Variants in EVI5 observed in about 807,000 individuals in gnomAD.
The protein encoded by EVI5 is ecotropic viral integration site 5, also known as ecotropic viral integration site 5 protein homolog.
A neutral mutation model predicts 112.0 loss-of-function variants in EVI5; 73 were observed. The ratio of observed to expected loss-of-function variants is 0.65; its 90% CI spans 0.54 to 0.79. EVI5 has a LOEUF of 0.79. Among genes scored for constraint, EVI5 ranks in the 30% least tolerant of loss-of-function variants. The probability of loss-of-function intolerance (pLI) is 0.00; values close to 1 mark genes in which losing one functional copy is unlikely to be tolerated. For missense variants in EVI5, 900 were observed against 968.8 expected (o/e 0.93, Z 0.94); for synonymous variants, 305 against 319.9 (o/e 0.95, Z 0.50).
In EVI5 at chr1:92,738,003, C is replaced by T. The variant is rs115031193; in HGVS notation, c.-81-1376G>A. 4.7e-3 allele frequency among the ~76,000 whole-genome samples: 719 copies of T among 152,150 alleles called. 4 individuals are homozygous for T. The highest frequency in any genetic ancestry group is 0.017 in the African/African-American group (691 of 41,494). On this transcript the variant is annotated intron_variant, in intron 1 of 19. Transcript: ENST00000684568. ...TCAGTGGGCTGTTACCGTTGAGAGA[C>T]GAATCCCAAGAAAGAAAAGTTGAAT...
Position 92,510,440 on chromosome 1 carries a change from T to C in EVI5, c.*3216A>G, listed in dbSNP as rs1362364596. 6.6e-6 allele frequency: 1 copy of C among 152,244 alleles called. No homozygotes were observed. The highest frequency in any genetic ancestry group is 1.5e-5 in the Non-Finnish European group (1 of 68,048). The allele number at this position is 152,244 out of a possible 1,614,324, so 9.4% of individuals were successfully genotyped here. On this transcript the variant is annotated 3_prime_UTR_variant, in exon 20 of 20. Coordinates refer to ENST00000684568, the MANE Select transcript of EVI5 (RefSeq NM_001350197.2). ...ATCATATAAAATGGCTGGCATGTTT[T>C]CCCTTTTGAATAGTTCTGATTATAA... is the stretch of plus-strand genomic sequence containing the variant.
intron 18 of EVI5, among the ~76,000 whole-genome samples, chr1:92,604,981 TCCAGTTGCTGGTGGTTG>T (rs1488242437): frequency 1.3e-5 from 2 of 152,200 alleles, no homozygotes; most frequent in Non-Finnish European, 2.9e-5. Context: ...AATGGTGGTT[TCCAGTTGCTGGTGGTTG>T]CCAGTTGCTG....
At chr1:92,581,315 C>T (rs1671899365) in intron 18 of EVI5, among the ~76,000 whole-genome samples, 1 of 152,246 alleles carries the variant, frequency 6.6e-6, no homozygotes, top group Non-Finnish European at 1.5e-5. Flanking sequence ...GGGAATATAT[C>T]ACAAAACCTG....
At chr1:92,663,026 T>C (rs1285145846) in intron 12 of EVI5, among the ~76,000 whole-genome samples, 161 bp from the exon 13 acceptor site, 1 of 151,606 alleles carries the variant, frequency 6.6e-6, no homozygotes, top group African/African-American at 2.4e-5. Context: ...AGCTTGTTAT[T>C]GCTCCAGCAA....
intron 16 of EVI5, among the ~76,000 whole-genome samples, chr1:92,612,672 T>C (rs1457322091): frequency 7.8e-6 from 1 of 127,710 alleles, no homozygotes; most frequent in Middle Eastern, 5.5e-3. Flanking sequence ...ATCGCGCCAC[T>C]GCACTCCAGC....
chr1:92,574,885 C>T (rs1670813309), intron 18 of EVI5, among the ~76,000 whole-genome samples: 1 of 152,088 alleles, frequency 6.6e-6, no homozygotes, highest in African/African-American at 2.4e-5. Flanking sequence ...TGGAAACTTT[C>T]TTAGGTAGGA....
intron 9 of EVI5, among the ~76,000 whole-genome samples, chr1:92,689,396 T>A (rs544291862): frequency 1.7e-4 from 26 of 152,104 alleles, no homozygotes; most frequent in Non-Finnish European, 3.4e-4. Context: ...AGGGTCTCAC[T>A]CTGTCACTCA....
rs772970582 is a variant in EVI5, at chr1:92,792,362, TC to T, written c.32del (p.Arg11LysfsTer17). On this transcript the variant is annotated frameshift_variant, in exon 1 of 18. Transcript: ENST00000370331. LOFTEE classifies it high-confidence loss of function. ...CATTTACCTGTTTCCCACTAGGGTT[TC>T]TAAAGGCAGCAGTCATTTTGTTGGT... 1.2e-6 allele frequency: 2 copies of T among 1,609,846 alleles called. No homozygotes were observed. Among genetic ancestry groups the T allele is most frequent in the Non-Finnish European group, 1.7e-6 (2 of 1,176,096 alleles).
intron 19 of EVI5, among the ~76,000 whole-genome samples, chr1:92,551,059 T>TTTC (rs1491018200): frequency 7.8e-6 from 1 of 128,092 alleles, no homozygotes; most frequent in Non-Finnish European, 1.7e-5. Flanking sequence ...TTTTTTTTTT[T>TTTC]TGAGACTTAG....
intron 19 of EVI5, among the ~76,000 whole-genome samples, chr1:92,533,770 G>GA (rs1007331412): frequency 3.9e-5 from 6 of 152,126 alleles, no homozygotes; most frequent in African/African-American, 1.4e-4. Context: ...GGTATTGATG[G>GA]AACGTATCTC....
intron 18 of EVI5, among the ~76,000 whole-genome samples, chr1:92,578,148 T>C (rs1387644929): frequency 2.0e-5 from 3 of 152,192 alleles, no homozygotes; most frequent in Non-Finnish European, 4.4e-5. Context: ...TCTGGATCCA[T>C]GTGAACGCTA....
At chr1:92,711,802 C>T (rs926593569) in intron 2 of EVI5, among the ~76,000 whole-genome samples, 1 of 152,192 alleles carries the variant, frequency 6.6e-6, no homozygotes, top group African/African-American at 2.4e-5. Context: ...TAACAAAAAA[C>T]TTATTTTAGT....
intron 1 of EVI5, among the ~76,000 whole-genome samples, chr1:92,782,245 A>G (rs1267924305): frequency 6.6e-6 from 1 of 152,052 alleles, no homozygotes; most frequent in Non-Finnish European, 1.5e-5. Flanking sequence ...CAACAGAGTG[A>G]GACTCCATCT....
intron 18 of EVI5, among the ~76,000 whole-genome samples, chr1:92,585,343 T>C (rs1672610911): frequency 6.6e-6 from 1 of 152,000 alleles, no homozygotes; most frequent in Admixed American, 6.6e-5. Context: ...AATTTAAAAA[T>C]TAGCAGGGCA....
Position 92,743,289 on chromosome 1 carries a change from G to T in EVI5, c.-81-6662C>A, listed in dbSNP as rs375689713. ...AATCGCTTGAACCCAGGAGGCGGAG[G>T]TTGCAGTGCATCAAGATCGTGCCAC... On this transcript the variant is annotated intron_variant, in intron 1 of 19. Coordinates refer to ENST00000684568, the MANE Select transcript of EVI5 (RefSeq NM_001350197.2). Among the ~76,000 whole-genome samples, 15 of 152,196 alleles carry T rather than the reference G, an allele frequency of 9.9e-5. No homozygotes were observed. The South Asian group carries it at 1.5e-3, about 15-fold the overall frequency.
chr1:92,788,630 C>T (rs545337830), upstream of EVI5, among the ~76,000 whole-genome samples: 2 of 151,974 alleles, frequency 1.3e-5, no homozygotes, highest in South Asian at 4.2e-4. Flanking sequence ...CCCATCTCTA[C>T]TAAAAATACA....
chr1:92,694,332 T>C lies in EVI5; in HGVS notation c.966A>G (p.Glu322=), dbSNP rs1553246366. The change falls in exon 8 of 20, where the codon GAA becomes GAG. Residue 322 remains glutamate, a synonymous_variant. Transcript: ENST00000684568. ...GLALLQMNQA[E]LMQLDMEGML... ...TCCCTTCCATGTCAAGTTGCATCAG[T>C]TCTGCCTGATTCATCTGAAGAAGTG... 10 of 1,604,768 alleles carry C rather than the reference T, an allele frequency of 6.2e-6. No individual in the cohort carries two copies. The South Asian group carries it at 8.8e-5, about 14-fold the overall frequency.
In EVI5 at chr1:92,565,734, C is replaced by T. The variant is rs1300410431; in HGVS notation, c.2071-1997G>A. ...CTGTAATCCCAGCACTTCAGGAGGCCGAGGCAGGTGGATCACCTGAGGTCA... is the reference window on the plus strand; with the variant it reads ...CTGTAATCCCAGCACTTCAGGAGGCTGAGGCAGGTGGATCACCTGAGGTCA... On this transcript the variant is annotated intron_variant, in intron 18 of 19. Coordinates refer to ENST00000684568, the MANE Select transcript of EVI5 (RefSeq NM_001350197.2). 3.3e-5 allele frequency among the ~76,000 whole-genome samples: 5 copies of T among 151,664 alleles called. No individual in the cohort carries two copies. In the East Asian group the frequency reaches 7.8e-4, roughly 24 times the overall value.
intron 18 of EVI5, among the ~76,000 whole-genome samples, chr1:92,590,380 A>C (rs191700139): frequency 6.6e-6 from 1 of 152,224 alleles, no homozygotes; most frequent in East Asian, 1.9e-4. Context: ...AAGATTGGAC[A>C]AATGGTTAAC....
Sources: gnomAD v4.1 joint callset for allele counts (sites outside exome capture counted in the v4.1 genomes callset) on GRCh38, gnomAD v4.1.1 for gene constraint, MANE v1.5 for transcripts, NCBI Gene and HGNC (gene_info 2026-07-23, HGNC 2026-07-21) for gene names.